SLC5A4: variants seen among roughly 807,000 people sequenced by gnomAD.
The protein encoded by SLC5A4 is probable glucose sensor protein SLC5A4.
In SLC5A4, 55 loss-of-function variants were observed where a neutral mutation model predicts 70.3. That is an observed-to-expected ratio of 0.78 (90% CI 0.63 to 0.98). The LOEUF is 0.98. SLC5A4 is among the 50% of genes least tolerant of loss of function. SLC5A4 has a pLI of 0.00. For synonymous variants in SLC5A4, 268 were observed against 305.7 expected (o/e 0.88, Z 1.29); for missense variants, 735 against 839.2 (o/e 0.88, Z 1.53).
the SLC5A4 span, among the ~76,000 whole-genome samples, chr22:32,292,497 G>A: frequency 6.6e-6 from 1 of 150,750 alleles, no homozygotes; most frequent in East Asian, 1.9e-4. Flanking sequence ...GCAACAGGGT[G>A]CTATCTTAGA....
chr22:32,330,954 G>A, the SLC5A4 span, among the ~76,000 whole-genome samples: 2 of 4,714 alleles, frequency 4.2e-4, no homozygotes, highest in Non-Finnish European at 8.8e-4. Context: ...AGGCTCTGGT[G>A]TGTGTGTGTT....
chr22:32,220,312 C>A (rs1189292797), intron 14 of SLC5A4, among the ~76,000 whole-genome samples: 5 of 152,104 alleles, frequency 3.3e-5, no homozygotes, highest in East Asian at 1.9e-4. Flanking sequence ...AGAAACCAAA[C>A]CAAAACAGAC....
At chr22:32,320,266 T>C in the SLC5A4 span, among the ~76,000 whole-genome samples, 7 of 152,206 alleles carry the variant, frequency 4.6e-5, no homozygotes, top group African/African-American at 9.6e-5. Context: ...GCTTCACTGC[T>C]GGTGGGGGGG....
chr22:32,244,289 G>A (rs182040738), intron 5 of SLC5A4, among the ~76,000 whole-genome samples: 3 of 152,280 alleles, frequency 2.0e-5, no homozygotes, highest in Admixed American at 6.5e-5. Context: ...GAGGTGCCAC[G>A]TGTGATATCT....
the SLC5A4 span, among the ~76,000 whole-genome samples, chr22:32,352,905 T>C: frequency 6.6e-6 from 1 of 152,218 alleles, no homozygotes; most frequent in Non-Finnish European, 1.5e-5. Context: ...TTAGTCTCCA[T>C]GGCCGCCACC....
chr22:32,263,007 A>T, the SLC5A4 span, among the ~76,000 whole-genome samples: 1 of 151,808 alleles, frequency 6.6e-6, no homozygotes, highest in African/African-American at 2.4e-5. Flanking sequence ...TGACTTTGTG[A>T]TCCACCCGCC....
chr22:32,300,400 C>T, the SLC5A4 span, among the ~76,000 whole-genome samples: 13 of 152,128 alleles, frequency 8.5e-5, no homozygotes, highest in Middle Eastern at 3.2e-3. Context: ...GCGCAGTATT[C>T]GGGTGGGAGT....
the SLC5A4 span, among the ~76,000 whole-genome samples, chr22:32,285,610 C>A: frequency 1.3e-5 from 2 of 151,976 alleles, no homozygotes; most frequent in East Asian, 3.8e-4. Flanking sequence ...GGTTAGGAAC[C>A]TGTCCCTTTG....
the SLC5A4 span, chr22:32,327,541 G>A: frequency 6.6e-6 from 1 of 152,410 alleles, no homozygotes; most frequent in African/African-American, 2.4e-5. Context: ...GAGGCCTGCT[G>A]GGGACCAGAT....
At chr22:32,321,583 C>T in the SLC5A4 span, among the ~76,000 whole-genome samples, 94 of 152,132 alleles carry the variant, frequency 6.2e-4, 1 homozygote, top group South Asian at 4.1e-4. Flanking sequence ...ACCTAGTACC[C>T]ATTAGTTATT....
At chr22:32,263,963 A>G in the SLC5A4 span, among the ~76,000 whole-genome samples, 9 of 152,086 alleles carry the variant, frequency 5.9e-5, no homozygotes, top group Non-Finnish European at 1.3e-4. Context: ...AAAACCAAAC[A>G]CTGCATGTTC....
the SLC5A4 span, among the ~76,000 whole-genome samples, chr22:32,266,316 G>C: frequency 6.6e-6 from 1 of 152,094 alleles, no homozygotes; most frequent in Non-Finnish European, 1.5e-5. Flanking sequence ...GCTTGGATCC[G>C]GACCAGGTCT....
chr22:32,279,207 C>T, the SLC5A4 span, among the ~76,000 whole-genome samples: 10 of 152,278 alleles, frequency 6.6e-5, no homozygotes, highest in South Asian at 2.1e-4. Context: ...ACCCGGGAGG[C>T]GGAGCTTGCA....
rs200632525 is a variant in SLC5A4, at chr22:32,255,144, C to T, written c.135+51G>A. The stretch of plus-strand genomic sequence containing the variant: ...CCACACCCCTTCCCCCCTTAAGATA[C>T]CCCCTCCTAAACCTTGTGCCCACCC... On this transcript the variant is annotated intron_variant, in intron 1 of 14. Coordinates refer to ENST00000266086, the MANE Select transcript of SLC5A4 (RefSeq NM_014227.3). 5.4e-4 allele frequency: 824 copies of T among 1,522,590 alleles called. 2 individuals carry two copies. Among genetic ancestry groups the T allele is most frequent in the Non-Finnish European group, 5.0e-4 (555 of 1,103,886 alleles). 94.3% of individuals were successfully genotyped at this position (1,522,590 alleles called of 1,614,324 possible).
At chr22:32,300,040 A>G in the SLC5A4 span, among the ~76,000 whole-genome samples, 8 of 145,196 alleles carry the variant, frequency 5.5e-5, no homozygotes, top group African/African-American at 2.0e-4. Context: ...ATGCTGGGAG[A>G]ACCACTGCTC....
intron 8 of SLC5A4, among the ~76,000 whole-genome samples, chr22:32,233,335 G>A (rs1269372408): frequency 1.3e-5 from 2 of 152,138 alleles, no homozygotes; most frequent in Non-Finnish European, 2.9e-5. Context: ...TGGAACCGGA[G>A]GTCATTAAGT....
At chr22:32,338,046 A>AT in the SLC5A4 span, among the ~76,000 whole-genome samples, 1 of 150,190 alleles carries the variant, frequency 6.7e-6, no homozygotes, top group Non-Finnish European at 1.5e-5. Context: ...CATACTGGAT[A>AT]TGTTTACTTG....
At chr22:32,332,922 T>A in the SLC5A4 span, among the ~76,000 whole-genome samples, 8 of 152,156 alleles carry the variant, frequency 5.3e-5, no homozygotes, top group African/African-American at 1.2e-4. Context: ...AAATAAAGAC[T>A]CTTTCTCCTT....
At chr22:32,285,995 C>A in the SLC5A4 span, among the ~76,000 whole-genome samples, 1 of 152,156 alleles carries the variant, frequency 6.6e-6, no homozygotes, top group African/African-American at 2.4e-5. Flanking sequence ...CTCGGCCTCC[C>A]AAAGTGCTGT....
Sources: gnomAD v4.1 joint callset for allele counts (sites outside exome capture counted in the v4.1 genomes callset) on GRCh38, gnomAD v4.1.1 for gene constraint, MANE v1.5 for transcripts, NCBI Gene and HGNC (gene_info 2026-07-23, HGNC 2026-07-21) for gene names.